Variants in EPHB2 observed in about 807,000 individuals in gnomAD.
The protein encoded by EPHB2 is EPH receptor B2.
EPHB2 carries 18 observed loss-of-function variants against 96.4 expected under a neutral mutation model. That is an observed-to-expected ratio of 0.19 (90% CI 0.13 to 0.28). The LOEUF is 0.28. EPHB2 is among the 10% of genes least tolerant of loss of function. The pLI, the probability that EPHB2 is intolerant of heterozygous loss-of-function variation, is 1.00. For synonymous variants in EPHB2, 506 were observed against 534.1 expected, an observed-to-expected ratio of 0.95 and a Z score of 0.72; for missense variants, 989 against 1,355.4, an observed-to-expected ratio of 0.73 and a Z score of 4.25.
chr1:22,746,404 G>A (rs1009405240), intron 1 of EPHB2, among the ~76,000 whole-genome samples: 28 of 152,322 alleles, frequency 1.8e-4, no homozygotes, highest in African/African-American at 6.7e-4. Flanking sequence ...TCCAGTAGGA[G>A]TGTGAGTTAT....
At chr1:22,779,313 C>G (rs910930800) in intron 1 of EPHB2, among the ~76,000 whole-genome samples, 5 of 152,290 alleles carry the variant, frequency 3.3e-5, no homozygotes, top group African/African-American at 1.2e-4. Flanking sequence ...TACCCCACAC[C>G]CCCTCCCTGT....
intron 14 of EPHB2, 65 bp downstream of exon 14, chr1:22,910,640 T>C (rs1640068690): frequency 6.3e-7 from 1 of 1,580,176 alleles, no homozygotes; most frequent in Admixed American, 1.8e-5. Context: ...CCATCCCTTC[T>C]GCCCCCACTT....
At chr1:22,716,033 G>C (rs997667476) in intron 1 of EPHB2, among the ~76,000 whole-genome samples, 12 of 152,264 alleles carry the variant, frequency 7.9e-5, no homozygotes, top group African/African-American at 2.6e-4. Flanking sequence ...TCAGCCTTCA[G>C]TGTCTCCCCT....
chr1:22,718,887 A>G (rs10799759), intron 1 of EPHB2, among the ~76,000 whole-genome samples: 43,813 of 152,010 alleles, frequency 0.29, 7,686 homozygotes, highest in South Asian at 0.54. Flanking sequence ...TGGTGACTCC[A>G]GAGCTCATGC....
rs930043321 is a variant in EPHB2, at chr1:22,754,999, C to G, written c.62-26422C>G. 1.3e-4 allele frequency among the ~76,000 whole-genome samples: 10 copies of G among 74,640 alleles called. No individual in the cohort carries two copies. In the South Asian group the frequency reaches 4.9e-3, roughly 37 times the overall value. 49.0% of individuals were successfully genotyped at this position (74,640 alleles called of 152,430 possible). A position where few individuals can be genotyped will look rare whatever the true frequency, so the allele number is the denominator to read the frequency against. Reference sequence around the variant, plus strand: ...AAGGGCCTGTGCCCTAGAGACAGCTCCATACTAGGCCCTGAGCCCGAGGCC... The same window carrying G: ...AAGGGCCTGTGCCCTAGAGACAGCTGCATACTAGGCCCTGAGCCCGAGGCC... On this transcript the variant is annotated intron_variant, in intron 1 of 15. Coordinates refer to ENST00000374630, the MANE Select transcript of EPHB2 (RefSeq NM_017449.5).
intron 1 of EPHB2, among the ~76,000 whole-genome samples, chr1:22,742,528 C>T (rs561171546): frequency 8.5e-4 from 130 of 152,290 alleles, no homozygotes; most frequent in Middle Eastern, 3.4e-3. Flanking sequence ...CACTGTGTTG[C>T]TTAGGCTGGA....
intron 14 of EPHB2, among the ~76,000 whole-genome samples, chr1:22,911,054 C>T (rs557856836): frequency 6.6e-6 from 1 of 151,924 alleles, no homozygotes; most frequent in Admixed American, 6.6e-5. Context: ...GCAGGAGAAT[C>T]GCTTGAACCC....
At chr1:22,763,272 C>T (rs931787207) in intron 1 of EPHB2, among the ~76,000 whole-genome samples, 22 of 152,158 alleles carry the variant, frequency 1.4e-4, no homozygotes, top group Non-Finnish European at 2.5e-4. Flanking sequence ...TAGTTCCTGT[C>T]TCATTGGGCT....
At chr1:22,904,727 T>C (rs309505) in intron 9 of EPHB2, among the ~76,000 whole-genome samples, 89,764 of 152,088 alleles carry the variant, frequency 0.59, 27,354 homozygotes, top group African/African-American at 0.74. Flanking sequence ...ATGAGCATGG[T>C]TGTGTTCCAA....
At chr1:22,854,192 C>T (rs1645666408) in intron 3 of EPHB2, among the ~76,000 whole-genome samples, 2 of 152,080 alleles carry the variant, frequency 1.3e-5, no homozygotes, top group Admixed American at 6.5e-5. Flanking sequence ...GCTCCAGGGA[C>T]CTTAAGGATG....
chr1:22,792,534 C>T (rs1036835306), intron 3 of EPHB2, among the ~76,000 whole-genome samples: 4 of 152,192 alleles, frequency 2.6e-5, no homozygotes, highest in Non-Finnish European at 5.9e-5. Context: ...AAAAATTCTA[C>T]ACCCTCCCCA....
intron 3 of EPHB2, among the ~76,000 whole-genome samples, chr1:22,797,204 G>A (rs768595833): frequency 6.6e-6 from 1 of 152,114 alleles, no homozygotes; most frequent in Non-Finnish European, 1.5e-5. Context: ...GCTGACTCCC[G>A]TTCCTAGGGC....
At chr1:22,755,860 CATGT>C (rs1644141765) in intron 1 of EPHB2, among the ~76,000 whole-genome samples, 1 of 152,108 alleles carries the variant, frequency 6.6e-6, no homozygotes, top group South Asian at 2.1e-4. Context: ...AGGAAACTAA[CATGT>C]ATTTAGTCCT....
At chr1:22,877,018 C>G (rs368218081) in intron 5 of EPHB2, among the ~76,000 whole-genome samples, 340 of 142,390 alleles carry the variant, frequency 2.4e-3, no homozygotes, top group African/African-American at 7.9e-3. Context: ...TGGGGCGGGC[C>G]GGGTGGGTGG....
At chr1:22,789,933 G>C (rs1325360861) in intron 3 of EPHB2, among the ~76,000 whole-genome samples, 2 of 152,150 alleles carry the variant, frequency 1.3e-5, no homozygotes, top group Non-Finnish European at 2.9e-5. Context: ...GACACTCAGG[G>C]CTTGGTCTGA....
intron 3 of EPHB2, among the ~76,000 whole-genome samples, chr1:22,809,710 A>G (rs554463282): frequency 3.9e-5 from 6 of 152,284 alleles, no homozygotes; most frequent in African/African-American, 1.4e-4. Context: ...CTTGCATAGA[A>G]CAGACCTCCC....
In EPHB2 at chr1:22,864,965, C is replaced by T; in HGVS notation, c.1056C>T (p.Gly352=). The stretch of plus-strand genomic sequence containing the variant: ...GGACCCCTCCCCGCGACTCCGGAGG[C>T]CGAGAGGACCTCGTCTACAACATCA... ...LEWTPPRDSG[G]REDLVYNIIC... is the part of the protein sequence containing the mutation. Residue 352 remains glycine (G), a synonymous_variant, in exon 5 of 16, where the codon GGC becomes GGT. Coordinates refer to ENST00000374630, the MANE Select transcript of EPHB2 (RefSeq NM_017449.5). 1 of 1,605,496 alleles carries T rather than the reference C, an allele frequency of 6.2e-7. No homozygotes were observed. Among genetic ancestry groups the T allele is most frequent in the Non-Finnish European group, 8.5e-7 (1 of 1,174,566 alleles).
intron 1 of EPHB2, among the ~76,000 whole-genome samples, chr1:22,755,847 G>A (rs1644141648): frequency 6.6e-6 from 1 of 152,160 alleles, no homozygotes; most frequent in South Asian, 2.1e-4. Flanking sequence ...AGGGAAGAAA[G>A]GAAGGAAACT....
At chr1:22,805,032 GC>G in intron 3 of EPHB2, among the ~76,000 whole-genome samples, 1 of 151,582 alleles carries the variant, frequency 6.6e-6, no homozygotes, top group East Asian at 2.0e-4. Context: ...GTCAGGACAT[GC>G]CCCCCAACCT....
Sources: gnomAD v4.1 joint callset for allele counts (sites outside exome capture counted in the v4.1 genomes callset) on GRCh38, gnomAD v4.1.1 for gene constraint, MANE v1.5 for transcripts, NCBI Gene and HGNC (gene_info 2026-07-23, HGNC 2026-07-21) for gene names.